CFHR3: variants seen among roughly 807,000 people sequenced by gnomAD.
The protein encoded by CFHR3 is complement factor H-related protein 3.
Under a neutral mutation model 36.0 loss-of-function variants are expected in CFHR3, and 22 were observed. That is an observed-to-expected ratio of 0.61 (90% confidence interval 0.44 to 0.87). The LOEUF is 0.87. Ranked by LOEUF, CFHR3 falls within the 40% of genes least tolerant of loss-of-function variation. The pLI is 0.00. For missense variants in CFHR3, 276 were observed against 401.3 expected (o/e 0.69, Z 2.67); for synonymous variants, 97 against 137.4 (o/e 0.71, Z 2.06).
Position 196,790,505 on chromosome 1 carries a change from C to T in CFHR3, c.796+278C>T, listed in dbSNP as rs1654383107. Among the ~76,000 whole-genome samples, 2 of 135,214 alleles carry T rather than the reference C, an allele frequency of 1.5e-5. 1 individual carries two copies. The highest frequency in any genetic ancestry group is 1.4e-4 in the Admixed American group (2 of 14,014). The allele number at this position is 135,214 out of a possible 152,430, so 88.7% of individuals were successfully genotyped here. ...ACTTTGGAAGGCCGAGGCAGGCAGA[C>T]CATGAGGTCAGGAGTTCGAGATCAG... On this transcript the variant is annotated intron_variant, in intron 5 of 5. Coordinates refer to ENST00000367425, the MANE Select transcript of CFHR3 (RefSeq NM_021023.6).
chr1:196,789,598 A>G (rs1654342546), intron 4 of CFHR3: 1 of 1,311,154 alleles, frequency 7.6e-7, no homozygotes, highest in South Asian at 1.8e-5. Context: ...AACTACATAA[A>G]TGGTTACATT....
rs529335176 is a variant in CFHR3 at position 196,786,663 on chromosome 1, C to T, written c.431-1553C>T. On this transcript the variant is annotated intron_variant, in intron 3 of 5. Coordinates refer to ENST00000367425, the MANE Select transcript of CFHR3 (RefSeq NM_021023.6). ...GTTTTTTAAGCCCGTGGGAAAAGCG[C>T]AGTATTAGGGTGGGAGTGACCCGAT... Among the ~76,000 whole-genome samples the T allele has an allele frequency of 3.3e-4, 45 of 136,842 alleles. 8 individuals are homozygous for T. The highest frequency in any genetic ancestry group is 1.2e-3 in the African/African-American group (40 of 32,882). The allele number at this position is 136,842 out of a possible 152,430, so 89.8% of individuals were successfully genotyped here. A position where few individuals can be genotyped will look rare whatever the true frequency, so the allele number is the denominator to read the frequency against.
chr1:196,777,257 T>A (rs1653757897), intron 1 of CFHR3, among the ~76,000 whole-genome samples: 1 of 137,190 alleles, frequency 7.3e-6, no homozygotes, highest in Non-Finnish European at 1.5e-5. Context: ...TAAAAACAGG[T>A]TGTCAGGAAA....
In CFHR3 at chr1:196,785,172, T is replaced by C. The variant is rs542946907; in HGVS notation, c.431-3044T>C. 1.1e-4 allele frequency among the ~76,000 whole-genome samples: 15 copies of C among 136,094 alleles called. 1 individual carries two copies. The allele number at this position is 136,094 out of a possible 152,430, so 89.3% of individuals were successfully genotyped here. ...CTTGTAGAGTTTCTGCTGAGAGATC[T>C]GCTATTAGTCTGATGGGCTTCCCTT... On this transcript the variant is annotated intron_variant, in intron 3 of 5. Coordinates refer to ENST00000367425, the MANE Select transcript of CFHR3 (RefSeq NM_021023.6).
chr1:196,791,415 T>A (rs2124865039), intron 5 of CFHR3, among the ~76,000 whole-genome samples: 1 of 134,644 alleles, frequency 7.4e-6, no homozygotes, highest in East Asian at 2.0e-4. Context: ...GGGACACCCA[T>A]CAGTCCTTGA....
At position 196,786,185 on chromosome 1, in the gene CFHR3, G is replaced by A. The variant is rs541825327; in HGVS notation, c.431-2031G>A. Among the ~76,000 whole-genome samples, 17 of 135,794 alleles carry A rather than the reference G, an allele frequency of 1.3e-4. 3 individuals are homozygous for A. Among genetic ancestry groups the A allele is most frequent in the East Asian group, 2.0e-4 (1 of 5,078 alleles). 89.1% of individuals were successfully genotyped at this position (135,794 alleles called of 152,430 possible). A position where few individuals can be genotyped will look rare whatever the true frequency, so the allele number is the denominator to read the frequency against. ...GAAGTTTTGTCTCAGAGGAGTACCC[G>A]GCCGTGTGAGGTGTCAGTCTGCCCC... On this transcript the variant is annotated intron_variant, in intron 3 of 5. Transcript: ENST00000367425.
At position 196,791,712 on chromosome 1, in the gene CFHR3, G is replaced by C. The variant is rs1423945508; in HGVS notation, c.796+1485G>C. 7.6e-5 allele frequency among the ~76,000 whole-genome samples: 10 copies of C among 132,168 alleles called. 3 individuals are homozygous for C. Among genetic ancestry groups the C allele is most frequent in the African/African-American group, 3.0e-4 (9 of 29,998 alleles). 86.7% of individuals were successfully genotyped at this position (132,168 alleles called of 152,430 possible). A position where few individuals can be genotyped will look rare whatever the true frequency, so the allele number is the denominator to read the frequency against. Reference sequence around the variant, plus strand: ...GAGCTCCAAACTATGCAAGTGGTAAGACTGAAGAAGAAATTAGTATCCTCA... The same window carrying C: ...GAGCTCCAAACTATGCAAGTGGTAACACTGAAGAAGAAATTAGTATCCTCA... On this transcript the variant is annotated intron_variant, in intron 5 of 5. Transcript: ENST00000367425.
At chr1:196,788,743 A>G in intron 4 of CFHR3, 2 of 1,451,534 alleles carry the variant, frequency 1.4e-6, no homozygotes, top group Non-Finnish European at 1.8e-6. Flanking sequence ...CAAAATTATC[A>G]GCTGCTTGTA....
In CFHR3 at chr1:196,794,394, C is replaced by T. The variant is rs1454550936; in HGVS notation, c.*881C>T. Reference sequence around the variant, plus strand: ...GGGAGAATCACTTTAACCAGTGGGGCAGAGGTTGAACTGAGCCAAGATAGT... The same window carrying T: ...GGGAGAATCACTTTAACCAGTGGGGTAGAGGTTGAACTGAGCCAAGATAGT... On this transcript the variant is annotated 3_prime_UTR_variant, in exon 6 of 6. Coordinates refer to ENST00000367425, the MANE Select transcript of CFHR3 (RefSeq NM_021023.6). Among the ~76,000 whole-genome samples the T allele has an allele frequency of 1.5e-5, 2 of 136,920 alleles. 1 individual carries two copies. The highest frequency in any genetic ancestry group is 3.1e-5 in the Non-Finnish European group (2 of 64,504). The allele number at this position is 136,920 out of a possible 152,430, so 89.8% of individuals were successfully genotyped here. A position where few individuals can be genotyped will look rare whatever the true frequency, so the allele number is the denominator to read the frequency against.
At position 196,788,849 on chromosome 1, in the gene CFHR3, T is replaced by G. The variant is rs771733042; in HGVS notation, c.613+451T>G. 198 of 1,451,220 alleles carry G rather than the reference T, an allele frequency of 1.4e-4. 40 individuals carry two copies. The highest frequency in any genetic ancestry group is 7.3e-4 in the African/African-American group (43 of 58,932). The allele number at this position is 1,451,220 out of a possible 1,614,324, so 89.9% of individuals were successfully genotyped here. A position where few individuals can be genotyped will look rare whatever the true frequency, so the allele number is the denominator to read the frequency against. ...CTGCTAGCGTCAGGAGAATCAGACCTTAATAATTTGTATCAATGATGCTAC... is the reference window on the plus strand; with the variant it reads ...CTGCTAGCGTCAGGAGAATCAGACCGTAATAATTTGTATCAATGATGCTAC... On this transcript the variant is annotated intron_variant, in intron 4 of 5. Coordinates refer to ENST00000367425, the MANE Select transcript of CFHR3 (RefSeq NM_021023.6).
At chr1:196,775,998 A>G (rs1245486831) in intron 1 of CFHR3, among the ~76,000 whole-genome samples, 1 of 124,812 alleles carries the variant, frequency 8.0e-6, no homozygotes, top group Non-Finnish European at 1.7e-5. Context: ...ATCAAACTTG[A>G]TCTGTGCCAA....
rs1237084231 is a variant in CFHR3 at position 196,789,037 on chromosome 1, T to A, written c.613+639T>A. ...CTGAACGTGCTCGACCTTTACTTAG[T>A]ATGATAAAGAGAATGCATAATGAAC... On this transcript the variant is annotated intron_variant, in intron 4 of 5. Coordinates refer to ENST00000367425, the MANE Select transcript of CFHR3 (RefSeq NM_021023.6). 3 of 1,237,910 alleles carry A rather than the reference T, an allele frequency of 2.4e-6. 1 individual carries two copies. Among genetic ancestry groups the A allele is most frequent in the Non-Finnish European group, 2.0e-6 (2 of 980,790 alleles). 76.7% of individuals were successfully genotyped at this position (1,237,910 alleles called of 1,614,324 possible).
intron 3 of CFHR3, 126 bp downstream of exon 3, chr1:196,780,099 AT>A: frequency 1.6e-6 from 2 of 1,250,662 alleles, no homozygotes; most frequent in Non-Finnish European, 2.2e-6. Context: ...CAACGGACCT[AT>A]TTAGTTTTAC....
chr1:196,785,886 T>C (rs1304728596), intron 3 of CFHR3, among the ~76,000 whole-genome samples: 1 of 136,824 alleles, frequency 7.3e-6, no homozygotes, highest in Non-Finnish European at 1.5e-5. Flanking sequence ...GCTCTGCTTT[T>C]AGAGTTTCCA....
chr1:196,790,490 G>T lies in CFHR3; in HGVS notation c.796+263G>T, dbSNP rs142880936. ...GCCTGTAGTCCCAGCACTTTGGAAG[G>T]CCGAGGCAGGCAGACCATGAGGTCA... On this transcript the variant is annotated intron_variant, in intron 5 of 5. Coordinates refer to ENST00000367425, the MANE Select transcript of CFHR3 (RefSeq NM_021023.6). Among the ~76,000 whole-genome samples the T allele has an allele frequency of 6.7e-4, 91 of 135,276 alleles. 5 individuals are homozygous for T. The East Asian group carries it at 0.017, about 25-fold the overall frequency. The allele number at this position is 135,276 out of a possible 152,430, so 88.7% of individuals were successfully genotyped here. A position where few individuals can be genotyped will look rare whatever the true frequency, so the allele number is the denominator to read the frequency against.
chr1:196,791,307 C>A (rs1165953441), intron 5 of CFHR3, among the ~76,000 whole-genome samples: 1 of 136,042 alleles, frequency 7.4e-6, no homozygotes, highest in Non-Finnish European at 1.6e-5. Flanking sequence ...TGAAGCAACA[C>A]AACTCAAAAA....
At chr1:196,787,364 T>C (rs1482594142) in intron 3 of CFHR3, among the ~76,000 whole-genome samples, 1 of 137,076 alleles carries the variant, frequency 7.3e-6, no homozygotes, top group Non-Finnish European at 1.5e-5. Flanking sequence ...AATAGGAAAG[T>C]AGGCAAGAAT....
At position 196,795,375 on chromosome 1, in the gene CFHR3, T is replaced by C. The variant is rs1300241733; in HGVS notation, c.*1862T>C. The C allele has an allele frequency of 2.9e-5, 4 of 137,362 alleles. No homozygotes were observed. The highest frequency in any genetic ancestry group is 4.6e-5 in the Non-Finnish European group (3 of 64,776). The allele number at this position is 137,362 out of a possible 1,614,324, so 8.5% of individuals were successfully genotyped here. A position where few individuals can be genotyped will look rare whatever the true frequency, so the allele number is the denominator to read the frequency against. On this transcript the variant is annotated 3_prime_UTR_variant, in exon 6 of 6. Coordinates refer to ENST00000367425, the MANE Select transcript of CFHR3 (RefSeq NM_021023.6). ...AGGCCTTCCCAGCAATGTGGAACTG[T>C]GAGTCCATTAAACCTCTTTCCTTTA...
At chr1:196,788,590 T>C (rs1376963499) in intron 4 of CFHR3, among the ~76,000 whole-genome samples, 192 bp downstream of exon 4, 2 of 137,418 alleles carry the variant, frequency 1.5e-5, no homozygotes, top group Non-Finnish European at 1.5e-5. Flanking sequence ...GGGAAGATGA[T>C]CATTTCATCT....
Sources: allele counts gnomAD v4.1 joint callset (sites outside exome capture counted in the v4.1 genomes callset), GRCh38; gene constraint gnomAD v4.1.1; transcripts MANE v1.5; gene names NCBI Gene and HGNC (gene_info 2026-07-23, HGNC 2026-07-21).